The following CRACD variants were observed in gnomAD, a reference collection of about 807,000 sequenced individuals.
CRACD encodes the protein capping protein-inhibiting regulator of actin dynamics.
A neutral mutation model predicts 106.8 loss-of-function variants in CRACD; 56 were observed. The ratio of observed to expected loss-of-function variants is 0.52; its 90% CI spans 0.42 to 0.66. The LOEUF is 0.66. Among genes scored for constraint, CRACD ranks in the 30% least tolerant of loss-of-function variants. The probability of loss-of-function intolerance (pLI) is 0.00; values close to 1 mark genes in which losing one functional copy is unlikely to be tolerated. For synonymous variants in CRACD, 754 were observed against 670.8 expected, an observed-to-expected ratio of 1.12 and a Z score of -1.92; for missense variants, 1,730 against 1,623.2, an observed-to-expected ratio of 1.07 and a Z score of -1.13.
At chr4:56,059,446 A>C (rs1420210647) in intron 1 of CRACD, among the ~76,000 whole-genome samples, 1 of 152,220 alleles carries the variant, frequency 6.6e-6, no homozygotes, top group Non-Finnish European at 1.5e-5. Context: ...ACTGAACTCC[A>C]GCCTGCGTGA....
At chr4:56,220,249 G>T (rs1225444300) in intron 2 of CRACD, among the ~76,000 whole-genome samples, 1 of 152,164 alleles carries the variant, frequency 6.6e-6, no homozygotes, top group African/African-American at 2.4e-5. Flanking sequence ...AAGAAAAAAA[G>T]ATTAGACTGA....
chr4:56,102,123 G>A (rs1391985734), intron 1 of CRACD, among the ~76,000 whole-genome samples: 2 of 152,110 alleles, frequency 1.3e-5, no homozygotes. Flanking sequence ...AAGTTGGAGC[G>A]TGTACATTTT....
At chr4:56,082,318 G>A (rs1241968057) in intron 1 of CRACD, among the ~76,000 whole-genome samples, 1 of 152,208 alleles carries the variant, frequency 6.6e-6, no homozygotes, top group East Asian at 1.9e-4. Context: ...AAATCCAAAA[G>A]ATGAGTGAGG....
intron 1 of CRACD, among the ~76,000 whole-genome samples, chr4:56,168,914 T>G (rs1007812604): frequency 1.3e-5 from 2 of 152,168 alleles, no homozygotes; most frequent in Admixed American, 1.3e-4. Context: ...GAGAACCTAA[T>G]GACCGTTTAT....
intron 8 of CRACD, among the ~76,000 whole-genome samples, chr4:56,317,184 G>T (rs1354035490): frequency 6.6e-6 from 1 of 152,206 alleles, no homozygotes; most frequent in African/African-American, 2.4e-5. Flanking sequence ...TGGTCACCAG[G>T]TGGTCCTTGC....
intron 2 of CRACD, among the ~76,000 whole-genome samples, chr4:56,225,263 T>G (rs533690310): frequency 6.6e-6 from 1 of 152,232 alleles, no homozygotes; most frequent in African/African-American, 2.4e-5. Flanking sequence ...GGCTAATTTT[T>G]TTGTAGTTTT....
In CRACD at chr4:56,119,550, G is replaced by A. The variant is rs1020886492; in HGVS notation, c.-335-59734G>A. Among the ~76,000 whole-genome samples the A allele has an allele frequency of 2.8e-4, 43 of 151,954 alleles. No homozygotes were observed. The Middle Eastern group carries it at 0.014, about 48-fold the overall frequency. On this transcript the variant is annotated intron_variant, in intron 1 of 10. Transcript: ENST00000682029. ...ATGTCTCGTCATGTTTTCCAGGCTG[G>A]TCTTGAACTCCTGGGCTCAAGTGAT...
chr4:56,059,363 C>T (rs530838786), intron 1 of CRACD, among the ~76,000 whole-genome samples: 1 of 151,906 alleles, frequency 6.6e-6, no homozygotes, highest in South Asian at 2.1e-4. Flanking sequence ...GTGGTCCCAG[C>T]TACTCAGGAG....
At chr4:56,298,904 G>T (rs543487506) in intron 4 of CRACD, among the ~76,000 whole-genome samples, 1 of 152,248 alleles carries the variant, frequency 6.6e-6, no homozygotes, top group African/African-American at 2.4e-5. Flanking sequence ...CTGCACTCCA[G>T]CCTGGGTGAC....
At chr4:56,307,431 C>CACA in intron 4 of CRACD, 104 bp from the exon 5 acceptor site, 1 of 1,066,718 alleles carries the variant, frequency 9.4e-7, no homozygotes. Context: ...ATCAGTTGTG[C>CACA]ACAAGGTATG....
intron 1 of CRACD, among the ~76,000 whole-genome samples, chr4:56,118,503 C>T (rs890703055): frequency 1.3e-5 from 2 of 152,250 alleles, no homozygotes; most frequent in African/African-American, 4.8e-5. Context: ...TTTGAGGACA[C>T]ATTGTTAATT....
chr4:56,295,225 A>T (rs2109712253), intron 3 of CRACD, among the ~76,000 whole-genome samples: 1 of 152,244 alleles, frequency 6.6e-6, no homozygotes, highest in East Asian at 1.9e-4. Context: ...TTGTCCATAA[A>T]ACAGCCTTAC....
intron 1 of CRACD, among the ~76,000 whole-genome samples, chr4:56,134,964 G>A (rs1734951292): frequency 6.6e-6 from 1 of 151,842 alleles, no homozygotes; most frequent in Non-Finnish European, 1.5e-5. Flanking sequence ...ATAGCAGGTA[G>A]TGCCTCAATA....
intron 2 of CRACD, among the ~76,000 whole-genome samples, chr4:56,183,730 G>A (rs1158091071): frequency 6.6e-6 from 1 of 152,320 alleles, no homozygotes; most frequent in East Asian, 1.9e-4. Flanking sequence ...GGCAAGGTGC[G>A]TGGTTCGGAG....
rs1210227138 is a variant in CRACD, at chr4:56,316,365, A to G, written c.2863A>G (p.Met955Val). ...APEHDKAANK[M>V]PLAQKPALAP... ...GGAGCACGACAAGGCAGCAAACAAA[A>G]TGCCACTGGCACAAAAGCCAGCACT... The change falls in exon 8 of 11, where the codon ATG becomes GTG. Residue 955 changes from methionine to valine, a missense_variant. Physicochemically the swap from Met to Val is conservative, Grantham distance 21. Coordinates refer to ENST00000682029, the MANE Select transcript of CRACD (RefSeq NM_001393381.1). 1 of 1,614,092 alleles carries G rather than the reference A, an allele frequency of 6.2e-7. No homozygotes were observed. The highest frequency in any genetic ancestry group is 1.1e-5 in the South Asian group (1 of 91,084).
At chr4:56,150,141 TTAG>T (rs1157131900) in intron 1 of CRACD, among the ~76,000 whole-genome samples, 1 of 152,176 alleles carries the variant, frequency 6.6e-6, no homozygotes, top group Non-Finnish European at 1.5e-5. Flanking sequence ...TGCAAACCAC[TTAG>T]TGGTTACATT....
At chr4:56,294,459 T>C (rs1743874004) in intron 3 of CRACD, among the ~76,000 whole-genome samples, 1 of 152,066 alleles carries the variant, frequency 6.6e-6, no homozygotes, top group African/African-American at 2.4e-5. Context: ...CTTCAACACA[T>C]TTGTTAAGAG....
chr4:56,057,859 C>G (rs1270468916), intron 1 of CRACD, among the ~76,000 whole-genome samples: 85 of 63,264 alleles, frequency 1.3e-3, no homozygotes, highest in African/African-American at 3.1e-3. Context: ...CGCTCTGTCG[C>G]CCAGGCTGGA....
chr4:56,130,511 G>A (rs1021320032), intron 1 of CRACD, among the ~76,000 whole-genome samples: 2 of 152,062 alleles, frequency 1.3e-5, no homozygotes, highest in South Asian at 2.1e-4. Context: ...TCAAAACTCA[G>A]TGTAACCTTC....
Sources: allele counts gnomAD v4.1 joint callset (sites outside exome capture counted in the v4.1 genomes callset), GRCh38; gene constraint gnomAD v4.1.1; transcripts MANE v1.5; gene names NCBI Gene and HGNC (gene_info 2026-07-23, HGNC 2026-07-21).